HLCS: variants seen among roughly 807,000 people sequenced by gnomAD.
HLCS encodes the protein holocarboxylase synthetase, also known as biotin--protein ligase.
A neutral mutation model predicts 75.0 loss-of-function variants in HLCS; 53 were observed. The observed-to-expected ratio is 0.71, with a 90% CI of 0.57 to 0.89. The LOEUF is 0.89. Ranked by LOEUF, HLCS falls within the 40% of genes least tolerant of loss-of-function variation. The pLI, the probability that HLCS is intolerant of heterozygous loss-of-function variation, is 0.00. For missense variants in HLCS, 966 were observed against 1,074.0 expected, an observed-to-expected ratio of 0.90 and a Z score of 1.41; for synonymous variants, 431 against 428.6, an observed-to-expected ratio of 1.01 and a Z score of -0.07.
At position 36,966,567 on chromosome 21, in the gene HLCS, G is replaced by T; in HGVS notation, c.72C>A (p.Ala24=). ...GCGAGGCACGCAGCCGCCGCACCGT[G>T]GCGCGCACGAGCTCAGCCGGCCGGC... The part of the protein sequence containing the change: ...WGRRPAELVR[A]TVRRLRASRC... The change falls in exon 1 of 11, where the codon GCC becomes GCA. Residue 24 remains alanine, a synonymous_variant. Transcript: ENST00000674895. 2 of 1,001,548 alleles carry T rather than the reference G, an allele frequency of 2.0e-6. No homozygotes were observed. The highest frequency in any genetic ancestry group is 2.4e-6 in the Non-Finnish European group (2 of 842,642). 62.0% of individuals were successfully genotyped at this position (1,001,548 alleles called of 1,614,324 possible). A position where few individuals can be genotyped will look rare whatever the true frequency, so the allele number is the denominator to read the frequency against.
At chr21:36,953,121 T>G (rs2067750555) in intron 2 of HLCS, among the ~76,000 whole-genome samples, 2 of 152,190 alleles carry the variant, frequency 1.3e-5, no homozygotes, top group Non-Finnish European at 2.9e-5. Flanking sequence ...TTTAATTTAC[T>G]AATTTTTTAG....
At position 36,765,145 on chromosome 21, in the gene HLCS, G is replaced by A. The variant is rs770344254; in HGVS notation, c.1988C>T (p.Pro663Leu). ...CAGAGTAGAAAGAGCACATCCCACAGGGCTCAGCCACACATTCCCTCCCCG... is the reference window on the plus strand; with the variant it reads ...CAGAGTAGAAAGAGCACATCCCACAAGGCTCAGCCACACATTCCCTCCCCG... ...KGRGGNVWLS[P>L]VGCALSTLLI... Residue 663 changes from proline (P) to leucine (L), a missense_variant, in exon 8 of 11, where the codon CCT becomes CTT. Pro to Leu is a moderately conservative substitution (Grantham distance 98, BLOSUM62 -3). Coordinates refer to ENST00000674895, the MANE Select transcript of HLCS (RefSeq NM_001352514.2). 3.1e-6 allele frequency: 5 copies of A among 1,614,174 alleles called. No individual in the cohort carries two copies. Among genetic ancestry groups the A allele is most frequent in the Non-Finnish European group, 3.4e-6 (4 of 1,180,032 alleles).
chr21:36,838,291 T>C (rs2062484270), intron 6 of HLCS, among the ~76,000 whole-genome samples: 1 of 136,136 alleles, frequency 7.3e-6, no homozygotes, highest in African/African-American at 3.1e-5. Context: ...TGCAGTGGGG[T>C]GAATGATCAC....
intron 5 of HLCS, among the ~76,000 whole-genome samples, chr21:36,909,397 T>C (rs1317435194): frequency 6.6e-6 from 1 of 152,304 alleles, no homozygotes; most frequent in East Asian, 1.9e-4. Flanking sequence ...TAAACAATAC[T>C]AAGGCCCAGG....
chr21:36,934,248 A>G (rs1307209110), intron 4 of HLCS, among the ~76,000 whole-genome samples: 1 of 152,202 alleles, frequency 6.6e-6, no homozygotes. Context: ...GAACTAAAAA[A>G]ATGTCTCCAG....
At position 36,752,615 on chromosome 21, in the gene HLCS, C is replaced by T. The variant is rs1458549348; in HGVS notation, c.*1631G>A. The T allele has an allele frequency of 2.6e-5, 4 of 152,578 alleles. No individual in the cohort carries two copies. Among genetic ancestry groups the T allele is most frequent in the African/African-American group, 9.7e-5 (4 of 41,424 alleles). 9.5% of individuals were successfully genotyped at this position (152,578 alleles called of 1,614,324 possible). A position where few individuals can be genotyped will look rare whatever the true frequency, so the allele number is the denominator to read the frequency against. ...AACTAATTTTGAAAGAAGGCTTGGGCATTTGGAGAAGAGTGGTTTTTTTTG... is the reference window on the plus strand; with the variant it reads ...AACTAATTTTGAAAGAAGGCTTGGGTATTTGGAGAAGAGTGGTTTTTTTTG... On this transcript the variant is annotated 3_prime_UTR_variant, in exon 11 of 11. Transcript: ENST00000674895.
At chr21:36,933,476 G>A (rs1041379861) in intron 4 of HLCS, among the ~76,000 whole-genome samples, 6 of 150,206 alleles carry the variant, frequency 4.0e-5, no homozygotes, top group African/African-American at 1.5e-4. Flanking sequence ...ACTTGAACCC[G>A]GGAAGCAGAG....
At chr21:36,771,909 G>GA (rs2060220251) in intron 6 of HLCS, among the ~76,000 whole-genome samples, 2 of 151,312 alleles carry the variant, frequency 1.3e-5, no homozygotes, top group African/African-American at 4.9e-5. Flanking sequence ...TGAGGCAGGA[G>GA]AATCACTTGA....
chr21:36,839,435 T>G (rs1286329559), intron 6 of HLCS, among the ~76,000 whole-genome samples: 2 of 152,212 alleles, frequency 1.3e-5, no homozygotes, highest in African/African-American at 4.8e-5. Context: ...TGCAAGAACT[T>G]GCTTTTCTTT....
intron 2 of HLCS, among the ~76,000 whole-genome samples, chr21:36,960,955 G>A (rs888894416): frequency 1.4e-4 from 21 of 152,228 alleles, no homozygotes; most frequent in Non-Finnish European, 2.8e-4. Context: ...ATGAGACAGG[G>A]TATTTTCACA....
intron 1 of HLCS, among the ~76,000 whole-genome samples, chr21:36,962,943 C>A (rs1382002967): frequency 4.6e-5 from 7 of 152,108 alleles, no homozygotes; most frequent in Non-Finnish European, 8.8e-5. Context: ...TTTACACCTT[C>A]CTTATAGTGA....
chr21:36,858,662 G>A (rs538490707), intron 6 of HLCS, among the ~76,000 whole-genome samples: 8 of 152,330 alleles, frequency 5.3e-5, no homozygotes, highest in South Asian at 4.1e-4. Flanking sequence ...TTGAAGAATA[G>A]TGGATGGAGG....
chr21:36,942,838 G>A (rs988019368), intron 2 of HLCS, among the ~76,000 whole-genome samples: 2 of 151,958 alleles, frequency 1.3e-5, no homozygotes, highest in African/African-American at 4.8e-5. Flanking sequence ...GCTGAGGCAG[G>A]AGAATGGCGT....
At chr21:36,941,244 CCT>C (rs976191940) in intron 2 of HLCS, among the ~76,000 whole-genome samples, 2 of 152,132 alleles carry the variant, frequency 1.3e-5, no homozygotes, top group African/African-American at 4.8e-5. Flanking sequence ...TTGGTAGTTT[CCT>C]CTCTGTCTCT....
chr21:36,874,059 C>CA (rs1306762628), intron 6 of HLCS, among the ~76,000 whole-genome samples: 3 of 152,188 alleles, frequency 2.0e-5, no homozygotes, highest in Admixed American at 6.5e-5. Context: ...TGATTCATCT[C>CA]AAATCAATTT....
intron 2 of HLCS, among the ~76,000 whole-genome samples, chr21:36,956,647 A>G (rs901055700): frequency 3.3e-5 from 5 of 151,484 alleles, no homozygotes; most frequent in South Asian, 2.1e-4. Context: ...GGAGAATGGC[A>G]TGAACCCGGG....
intron 5 of HLCS, among the ~76,000 whole-genome samples, chr21:36,899,109 T>A (rs562972457): frequency 1.3e-5 from 2 of 152,198 alleles, no homozygotes; most frequent in East Asian, 3.9e-4. Context: ...CCTTAATTTT[T>A]AAAAATGTAT....
intron 1 of HLCS, among the ~76,000 whole-genome samples, chr21:36,988,590 T>A (rs776714872): frequency 3.9e-5 from 6 of 152,202 alleles, no homozygotes; most frequent in Non-Finnish European, 8.8e-5. Context: ...AATTGCTGGG[T>A]CAAGGGGTAA....
intron 6 of HLCS, among the ~76,000 whole-genome samples, chr21:36,894,199 G>T (rs575593226): frequency 6.6e-6 from 1 of 152,104 alleles, no homozygotes; most frequent in African/African-American, 2.4e-5. Context: ...CTTCTGCAAC[G>T]ATTGTAAGTT....
Sources: allele counts gnomAD v4.1 joint callset (sites outside exome capture counted in the v4.1 genomes callset), GRCh38; gene constraint gnomAD v4.1.1; transcripts MANE v1.5; gene names NCBI Gene and HGNC (gene_info 2026-07-23, HGNC 2026-07-21).